Variants in SPMIP7 observed in about 807,000 individuals in gnomAD.
SPMIP7 encodes the protein sperm microtubule inner protein 7, also known as protein SPMIP7.
At chr7:50,133,989 C>T in the SPMIP7 span, 2 of 863,892 alleles carry the variant, frequency 2.3e-6, no homozygotes. Flanking sequence ...GGTATACACA[C>T]CAAGGGGCAG....
chr7:50,113,276 G>A, the SPMIP7 span, among the ~76,000 whole-genome samples: 1 of 151,998 alleles, frequency 6.6e-6, no homozygotes, highest in African/African-American at 2.4e-5. Flanking sequence ...ACAACTTAAA[G>A]TCCAAAATAA....
At chr7:50,126,680 A>T in the SPMIP7 span, among the ~76,000 whole-genome samples, 1 of 152,040 alleles carries the variant, frequency 6.6e-6, no homozygotes, top group Non-Finnish European at 1.5e-5. Context: ...ATATATCCTA[A>T]TCAAGTAAAG....
chr7:50,157,678 G>A, the SPMIP7 span, among the ~76,000 whole-genome samples: 3 of 151,888 alleles, frequency 2.0e-5, no homozygotes, highest in African/African-American at 7.3e-5. Context: ...ATTGTAACTC[G>A]CTGCTAATAC....
the SPMIP7 span, among the ~76,000 whole-genome samples, chr7:50,122,258 G>A: frequency 1.3e-5 from 2 of 151,714 alleles, no homozygotes; most frequent in Admixed American, 6.6e-5. Context: ...CAGAAATAAC[G>A]CCGCATATCT....
chr7:50,152,343 T>G, the SPMIP7 span, among the ~76,000 whole-genome samples: 2 of 149,682 alleles, frequency 1.3e-5, no homozygotes, highest in Non-Finnish European at 3.0e-5. Context: ...AGACTCCATC[T>G]AAAAAAAAAA....
chr7:50,120,045 A>G, the SPMIP7 span, among the ~76,000 whole-genome samples: 1 of 152,116 alleles, frequency 6.6e-6, no homozygotes, highest in Admixed American at 6.6e-5. Flanking sequence ...CTGCAGACAC[A>G]TTGGGTCTGA....
At chr7:50,124,545 C>A in the SPMIP7 span, among the ~76,000 whole-genome samples, 1 of 152,110 alleles carries the variant, frequency 6.6e-6, no homozygotes, top group Non-Finnish European at 1.5e-5. Context: ...CTCTAGCCAA[C>A]ACAGAGTCAA....
the SPMIP7 span, among the ~76,000 whole-genome samples, chr7:50,122,481 A>T: frequency 1.3e-5 from 2 of 151,238 alleles, no homozygotes; most frequent in Non-Finnish European, 2.9e-5. Context: ...AAACCTAGGC[A>T]TTACCATTCA....
At chr7:50,145,884 A>G in the SPMIP7 span, among the ~76,000 whole-genome samples, 3 of 151,216 alleles carry the variant, frequency 2.0e-5, no homozygotes, top group Non-Finnish European at 4.4e-5. Context: ...CTAAGTTATA[A>G]TCTTTTATCT....
the SPMIP7 span, chr7:50,141,278 C>T: frequency 5.9e-6 from 9 of 1,532,988 alleles, no homozygotes; most frequent in African/African-American, 2.8e-5. Flanking sequence ...TCCATTCTAA[C>T]AGTGGTCATG....
the SPMIP7 span, among the ~76,000 whole-genome samples, chr7:50,145,749 G>A: frequency 6.7e-6 from 1 of 148,270 alleles, no homozygotes. Context: ...CTCAGCAAAG[G>A]TGAGGTGCAG....
the SPMIP7 span, among the ~76,000 whole-genome samples, chr7:50,123,613 G>A: frequency 1.4e-5 from 2 of 147,612 alleles, no homozygotes; most frequent in Admixed American, 6.8e-5. Flanking sequence ...AGCTTGAAAT[G>A]TTTGTACACG....
At chr7:50,140,662 A>G in the SPMIP7 span, among the ~76,000 whole-genome samples, 1 of 152,218 alleles carries the variant, frequency 6.6e-6, no homozygotes, top group Non-Finnish European at 1.5e-5. Context: ...TTTAGATGGA[A>G]GAAGAACCTT....
chr7:50,125,203 T>C, the SPMIP7 span, among the ~76,000 whole-genome samples: 27 of 26,370 alleles, frequency 1.0e-3, 2 homozygotes, highest in African/African-American at 2.6e-3. Flanking sequence ...CACATATATA[T>C]ACACATATAT....
the SPMIP7 span, chr7:50,096,323 T>C: frequency 2.8e-5 from 44 of 1,552,004 alleles, no homozygotes; most frequent in Non-Finnish European, 3.5e-5. Flanking sequence ...AGACTATCAT[T>C]TACATGATCC....
chr7:50,151,053 T>C, the SPMIP7 span, among the ~76,000 whole-genome samples: 2 of 152,230 alleles, frequency 1.3e-5, no homozygotes, highest in Admixed American at 6.5e-5. Flanking sequence ...GAGTGTATAT[T>C]CATTAATATT....
At chr7:50,099,833 G>T in the SPMIP7 span, among the ~76,000 whole-genome samples, 671 of 152,252 alleles carry the variant, frequency 4.4e-3, 4 homozygotes, top group Non-Finnish European at 5.2e-3. Context: ...ACTATCTCTA[G>T]ATCTAGATCT....
At chr7:50,154,731 T>G in the SPMIP7 span, among the ~76,000 whole-genome samples, 1 of 152,240 alleles carries the variant, frequency 6.6e-6, no homozygotes, top group Non-Finnish European at 1.5e-5. Context: ...TGAGTGTATC[T>G]CCAGAGAAGG....
chr7:50,119,041 A>G, the SPMIP7 span, among the ~76,000 whole-genome samples: 1 of 152,146 alleles, frequency 6.6e-6, no homozygotes, highest in Non-Finnish European at 1.5e-5. Context: ...TCCATGACCC[A>G]CAGACTGAGA....
Sources: allele counts gnomAD v4.1 joint callset (sites outside exome capture counted in the v4.1 genomes callset), GRCh38; gene constraint gnomAD v4.1.1; transcripts MANE v1.5; gene names NCBI Gene and HGNC (gene_info 2026-07-23, HGNC 2026-07-21).